The following FNTB variants were observed in gnomAD, a reference collection of about 807,000 sequenced individuals.
FNTB encodes protein farnesyltransferase subunit beta.
Under a neutral mutation model 59.4 loss-of-function variants are expected in FNTB, and 27 were observed. That is an observed-to-expected ratio of 0.45 (90% CI 0.34 to 0.63). The LOEUF (loss-of-function observed/expected upper bound fraction) is 0.63, where lower values mean the gene tolerates loss of function less well. FNTB is among the 20% of genes least tolerant of loss of function. FNTB has a pLI of 0.02. For missense variants in FNTB, 449 were observed against 559.6 expected, an observed-to-expected ratio of 0.80 and a Z score of 1.99; for synonymous variants, 230 against 220.7, an observed-to-expected ratio of 1.04 and a Z score of -0.37.
intron 1 of FNTB, among the ~76,000 whole-genome samples, chr14:64,988,309 T>A (rs1888034062): frequency 6.6e-6 from 1 of 152,160 alleles, no homozygotes; most frequent in African/African-American, 2.4e-5. Flanking sequence ...GAAGGCTGAC[T>A]GCAAAAGATT....
rs1430784204 is a variant in FNTB at position 64,990,622 on chromosome 14, ACTCTC to A, written c.144+3529_144+3533del. 6.6e-6 allele frequency among the ~76,000 whole-genome samples: 1 copy of A among 151,602 alleles called. No individual in the cohort carries two copies. Among genetic ancestry groups the A allele is most frequent in the African/African-American group, 2.4e-5 (1 of 41,232 alleles). ...ATCTTTGTAAATAGTTCCTTTATAA[ACTCTC>A]CTCAAATCACCCACTTTGTGCCATC... On this transcript the variant is annotated intron_variant, in intron 1 of 11. Coordinates refer to ENST00000246166, the MANE Select transcript of FNTB (RefSeq NM_002028.4). The surrounding 1 kb of genome is among the most constrained non-coding windows in gnomAD (Gnocchi z 5.2).
rs1252095230 is a variant in FNTB, at chr14:65,007,736, A to T, written c.209+3423A>T. On this transcript the variant is annotated intron_variant, in intron 2 of 11. Coordinates refer to ENST00000246166, the MANE Select transcript of FNTB (RefSeq NM_002028.4). This position sits in a 1 kb window ranked among gnomAD's most constrained non-coding sequence, Gnocchi z 4.9. ...CCTGTGGGTATTGTCACGGTTTCAC[A>T]CCCTTTTGAATGTACCCTTTTGCAT... Among the ~76,000 whole-genome samples, 1 of 152,124 alleles carries T rather than the reference A, an allele frequency of 6.6e-6. No individual in the cohort carries two copies. Among genetic ancestry groups the T allele is most frequent in the African/African-American group, 2.4e-5 (1 of 41,428 alleles).
chr14:64,987,826 A>C (rs1487679508), intron 1 of FNTB, among the ~76,000 whole-genome samples: 1 of 152,238 alleles, frequency 6.6e-6, no homozygotes, highest in Non-Finnish European at 1.5e-5. Flanking sequence ...GAATGAGTAT[A>C]TATTCATATG....
At chr14:65,055,062 G>A (rs1184625318) in intron 11 of FNTB, among the ~76,000 whole-genome samples, 1 of 152,230 alleles carries the variant, frequency 6.6e-6, no homozygotes. Flanking sequence ...TGGCTGTACA[G>A]CCTGCCGCGT....
chr14:65,015,858 C>A, intron 4 of FNTB, 142 bp downstream of exon 4: 1 of 881,198 alleles, frequency 1.1e-6, no homozygotes. Context: ...TGACCTCCGG[C>A]AACTTCCTGA....
At chr14:65,006,140 T>TTTGTTACC in intron 2 of FNTB, 1 of 1,604,964 alleles carries the variant, frequency 6.2e-7, no homozygotes, top group Admixed American at 1.7e-5. Flanking sequence ...TCCAGCTTTG[T>TTTGTTACC]TTGTTACCTT....
chr14:65,053,159 C>G (rs1416563759), intron 9 of FNTB, 79 bp from the exon 10 acceptor site: 11 of 1,139,008 alleles, frequency 9.7e-6, no homozygotes, highest in Non-Finnish European at 1.2e-5. Flanking sequence ...GACTATTCCC[C>G]CAGGTGAGAA....
At chr14:65,034,311 C>A (rs144028273) in intron 7 of FNTB, among the ~76,000 whole-genome samples, 1 of 152,172 alleles carries the variant, frequency 6.6e-6, no homozygotes, top group South Asian at 2.1e-4. Context: ...CGTTGAAGTC[C>A]CTGTCCTCCT....
rs745364076 is a variant in FNTB, at chr14:64,991,006, A to C, written c.144+3909A>C. Among the ~76,000 whole-genome samples, 4 of 152,108 alleles carry C rather than the reference A, an allele frequency of 2.6e-5. No homozygotes were observed. The highest frequency in any genetic ancestry group is 4.4e-5 in the Non-Finnish European group (3 of 68,022). On this transcript the variant is annotated intron_variant, in intron 1 of 11. Transcript: ENST00000246166. This position sits in a 1 kb window ranked among gnomAD's most constrained non-coding sequence, Gnocchi z 4.4. ...TGTATTGTTAGTGCCTGCCTTCCTT[A>C]TTGTGCCATCTGGAATCATCCCATT...
At chr14:65,017,379 G>T (rs911426325) in intron 4 of FNTB, among the ~76,000 whole-genome samples, 2 of 152,190 alleles carry the variant, frequency 1.3e-5, no homozygotes, top group African/African-American at 4.8e-5. Flanking sequence ...GGGGATTTCT[G>T]TGAGCCTGGA....
rs2061729089 is a variant in FNTB at position 65,014,082 on chromosome 14, G to GGGGTATC, written c.283-1543_283-1542insGGGTATC. Among the ~76,000 whole-genome samples, 2 of 152,210 alleles carry GGGGTATC rather than the reference G, an allele frequency of 1.3e-5. No homozygotes were observed. Among genetic ancestry groups the GGGGTATC allele is most frequent in the Non-Finnish European group, 2.9e-5 (2 of 68,046 alleles). On this transcript the variant is annotated intron_variant, in intron 3 of 11. Coordinates refer to ENST00000246166, the MANE Select transcript of FNTB (RefSeq NM_002028.4). The surrounding 1 kb of genome is among the most constrained non-coding windows in gnomAD (Gnocchi z 5.1). ...CTTGGGATATCAGCATAGTTTTGAA[G>GGGGTATC]AGAGCAGCTTGGGCCAACGGAAAGA...
chr14:65,010,277 C>T (rs73268767), intron 2 of FNTB, among the ~76,000 whole-genome samples: 5 of 152,228 alleles, frequency 3.3e-5, no homozygotes, highest in Non-Finnish European at 7.3e-5. Context: ...GGTCTTCCCA[C>T]AGTTTTGTTT....
rs1437569983 is a variant in FNTB at position 65,027,617 on chromosome 14, A to G, written c.521+18A>G. The G allele has an allele frequency of 5.0e-6, 8 of 1,614,032 alleles. No individual in the cohort carries two copies. Among genetic ancestry groups the G allele is most frequent in the Non-Finnish European group, 5.1e-6 (6 of 1,179,978 alleles). ...ATTAACAGGTACAGTGAAAGCCAGC[A>G]GTGACAGAAACCTAGAGGAGTTCCC... On this transcript the variant is annotated intron_variant, in intron 5 of 11. Coordinates refer to ENST00000246166, the MANE Select transcript of FNTB (RefSeq NM_002028.4). The surrounding 1 kb of genome is among the most constrained non-coding windows in gnomAD (Gnocchi z 5.7).
chr14:65,006,499 C>T (rs547866311), intron 2 of FNTB, among the ~76,000 whole-genome samples: 1 of 152,310 alleles, frequency 6.6e-6, no homozygotes, highest in South Asian at 2.1e-4. Context: ...CTTGGCAGTT[C>T]GCTGCCCCTA....
chr14:65,045,789 G>A (rs541175789), intron 9 of FNTB, among the ~76,000 whole-genome samples: 1 of 152,264 alleles, frequency 6.6e-6, no homozygotes, highest in Non-Finnish European at 1.5e-5. Flanking sequence ...CTGAATTAAA[G>A]TAAGCAGAGC....
chr14:65,041,372 G>T (rs2062348716), intron 8 of FNTB, among the ~76,000 whole-genome samples: 1 of 152,158 alleles, frequency 6.6e-6, no homozygotes, highest in African/African-American at 2.4e-5. Context: ...CATTGAGAAG[G>T]CAGCCCAACA....
At chr14:64,993,922 C>T (rs899426038) in intron 1 of FNTB, among the ~76,000 whole-genome samples, 5 of 151,552 alleles carry the variant, frequency 3.3e-5, no homozygotes, top group Admixed American at 1.3e-4. Flanking sequence ...GTGGTGCGAT[C>T]TCCACTCACC....
rs1566554238 is a variant in FNTB, at chr14:65,028,804, G to GT, written c.605+1025dup. Among the ~76,000 whole-genome samples the GT allele has an allele frequency of 2.0e-5, 3 of 152,180 alleles. No homozygotes were observed. The highest frequency in any genetic ancestry group is 4.4e-5 in the Non-Finnish European group (3 of 68,036). On this transcript the variant is annotated intron_variant, in intron 6 of 11. Coordinates refer to ENST00000246166, the MANE Select transcript of FNTB (RefSeq NM_002028.4). The surrounding 1 kb of genome is among the most constrained non-coding windows in gnomAD (Gnocchi z 4.4). The stretch of plus-strand genomic sequence containing the variant: ...TGTGTTGATTCTTCTTAAGGAAAAT[G>GT]TTAAAAGAGTTTTTTTCCCTCGTGT...
intron 11 of FNTB, among the ~76,000 whole-genome samples, chr14:65,055,053 G>A (rs1284251594): frequency 2.0e-5 from 3 of 152,242 alleles, no homozygotes; most frequent in Non-Finnish European, 4.4e-5. Flanking sequence ...ATGCGGCACT[G>A]GCTGTACAGC....
Sources: gnomAD v4.1 joint callset for allele counts (sites outside exome capture counted in the v4.1 genomes callset) on GRCh38, gnomAD v4.1.1 for gene constraint, Gnocchi (gnomAD v3.1) non-coding constraint, MANE v1.5 for transcripts, NCBI Gene and HGNC (gene_info 2026-07-23, HGNC 2026-07-21) for gene names.